SLC8A1: variants seen among roughly 807,000 people sequenced by gnomAD.
The protein encoded by SLC8A1 is sodium/calcium exchanger 1.
A neutral mutation model predicts 68.3 loss-of-function variants in SLC8A1; 18 were observed. The ratio of observed to expected loss-of-function variants is 0.26; its 90% confidence interval spans 0.18 to 0.39. SLC8A1 has a LOEUF of 0.39. Ranked by LOEUF, SLC8A1 falls within the 10% of genes least tolerant of loss-of-function variation. The pLI is 1.00. For missense variants in SLC8A1, 985 were observed against 1,156.7 expected (o/e 0.85, Z 2.15); for synonymous variants, 475 against 415.5 (o/e 1.14, Z -1.74).
At chr2:40,434,452 G>A (rs1352588800) in intron 1 of SLC8A1, among the ~76,000 whole-genome samples, 1 of 151,988 alleles carries the variant, frequency 6.6e-6, no homozygotes, top group Non-Finnish European at 1.5e-5. Context: ...TTCTTTCGGG[G>A]TCTTTCCTCT....
At chr2:40,147,660 T>G (rs2042706745) in intron 6 of SLC8A1, among the ~76,000 whole-genome samples, 1 of 152,206 alleles carries the variant, frequency 6.6e-6, no homozygotes, top group Admixed American at 6.5e-5. Flanking sequence ...AGCAACTGTT[T>G]GGGCAGTGAT....
intron 2 of SLC8A1, among the ~76,000 whole-genome samples, chr2:40,253,109 ACG>A (rs2063197573): frequency 2.7e-5 from 3 of 109,920 alleles, no homozygotes; most frequent in Admixed American, 1.1e-4. Context: ...ATACATATAT[ACG>A]TGTATACATA....
At chr2:40,196,106 G>A (rs1052470782) in intron 2 of SLC8A1, among the ~76,000 whole-genome samples, 2 of 151,644 alleles carry the variant, frequency 1.3e-5, no homozygotes, top group East Asian at 3.9e-4. Context: ...TGGGGGTGGG[G>A]GGAAGGGTCA....
chr2:40,304,918 T>A (rs1009583419), intron 2 of SLC8A1, among the ~76,000 whole-genome samples: 1 of 152,148 alleles, frequency 6.6e-6, no homozygotes, highest in African/African-American at 2.4e-5. Flanking sequence ...ATCTTCCACC[T>A]ACCCACCCCA....
At chr2:40,271,854 T>G (rs2149138693) in intron 2 of SLC8A1, among the ~76,000 whole-genome samples, 1 of 152,230 alleles carries the variant, frequency 6.6e-6, no homozygotes, top group Non-Finnish European at 1.5e-5. Context: ...CAAAGTTTAT[T>G]TTTATTATTT....
At chr2:40,287,976 A>G (rs536329981) in intron 2 of SLC8A1, among the ~76,000 whole-genome samples, 2 of 152,154 alleles carry the variant, frequency 1.3e-5, no homozygotes, top group East Asian at 3.9e-4. Flanking sequence ...AAATAAAAAG[A>G]AGTAAATTTT....
intron 7 of SLC8A1, among the ~76,000 whole-genome samples, chr2:40,116,365 A>T (rs1427249211): frequency 6.6e-6 from 1 of 152,148 alleles, no homozygotes; most frequent in Non-Finnish European, 1.5e-5. Context: ...CACATTGTGC[A>T]GGTTAGTTAC....
chr2:40,452,358 C>T (rs897994033), upstream of SLC8A1, among the ~76,000 whole-genome samples: 3 of 152,054 alleles, frequency 2.0e-5, no homozygotes, highest in African/African-American at 7.2e-5. Flanking sequence ...GGAGCCCTTC[C>T]AGCCTCCCAG....
At chr2:40,293,415 A>C (rs1383021065) in intron 2 of SLC8A1, among the ~76,000 whole-genome samples, 1 of 152,218 alleles carries the variant, frequency 6.6e-6, no homozygotes, top group East Asian at 1.9e-4. Flanking sequence ...TTGTATATTG[A>C]TGCTGCTGTG....
chr2:40,243,160 T>A (rs1359273686), intron 2 of SLC8A1, among the ~76,000 whole-genome samples: 1 of 152,164 alleles, frequency 6.6e-6, no homozygotes, highest in Non-Finnish European at 1.5e-5. Flanking sequence ...CCCTAAATCT[T>A]TAACTGAGTT....
intron 6 of SLC8A1, among the ~76,000 whole-genome samples, chr2:40,143,464 G>C (rs1441984714): frequency 1.3e-5 from 2 of 152,016 alleles, no homozygotes; most frequent in Admixed American, 1.3e-4. Context: ...CAGGTTGGTG[G>C]GTTTGCTTTT....
At chr2:40,329,872 G>C (rs1200989015) in intron 2 of SLC8A1, among the ~76,000 whole-genome samples, 1 of 152,174 alleles carries the variant, frequency 6.6e-6, no homozygotes, top group Non-Finnish European at 1.5e-5. Flanking sequence ...AGGTAGGATA[G>C]AGGGGAAAGA....
At chr2:40,241,222 A>G (rs548810413) in intron 2 of SLC8A1, among the ~76,000 whole-genome samples, 1 of 152,234 alleles carries the variant, frequency 6.6e-6, no homozygotes, top group Non-Finnish European at 1.5e-5. Context: ...AGTGGAGGCC[A>G]TAATCCTCAG....
At chr2:40,409,229 C>A (rs1039129340) in intron 2 of SLC8A1, among the ~76,000 whole-genome samples, 1 of 152,078 alleles carries the variant, frequency 6.6e-6, no homozygotes, top group Non-Finnish European at 1.5e-5. Flanking sequence ...GACTAAAATA[C>A]CCCTGTAAGT....
chr2:40,115,593 T>A (rs1341379368), exon 8 of SLC8A1: 1 of 1,611,550 alleles, frequency 6.2e-7, no homozygotes, highest in African/African-American at 1.3e-5. Context: ...GTCTGCATAC[T>A]GGTCCTGGGT....
At chr2:40,194,074 A>C (rs1029142306) in intron 2 of SLC8A1, among the ~76,000 whole-genome samples, 3 of 152,140 alleles carry the variant, frequency 2.0e-5, no homozygotes, top group African/African-American at 4.8e-5. Context: ...TAAAATACGA[A>C]TTCTGCTAGA....
chr2:40,175,959 T>G (rs1558629210), intron 3 of SLC8A1: 1 of 450,128 alleles, frequency 2.2e-6, no homozygotes, highest in East Asian at 7.1e-5. Flanking sequence ...CTGTGACTTC[T>G]GTACATTATT....
intron 2 of SLC8A1, among the ~76,000 whole-genome samples, chr2:40,334,489 T>C (rs6744487): frequency 0.15 from 22,307 of 152,216 alleles, 2,070 homozygotes; most frequent in African/African-American, 0.25. Flanking sequence ...TAATACAATT[T>C]GGATAATATA....
chr2:40,506,653 G>A (rs375860472), intron 1 of SLC8A1, among the ~76,000 whole-genome samples: 1 of 151,290 alleles, frequency 6.6e-6, no homozygotes, highest in African/African-American at 2.4e-5. Flanking sequence ...AGATTTATGG[G>A]ACCTGAAGGA....
Sources: allele counts gnomAD v4.1 joint callset (sites outside exome capture counted in the v4.1 genomes callset), GRCh38; gene constraint gnomAD v4.1.1; transcripts MANE v1.5; gene names NCBI Gene and HGNC (gene_info 2026-07-23, HGNC 2026-07-21).